The following GFRAL variants were observed in gnomAD, a reference collection of about 807,000 sequenced individuals.
GFRAL encodes GDNF family receptor alpha-like.
Under a neutral mutation model 45.4 loss-of-function variants are expected in GFRAL, and 36 were observed. That is an observed-to-expected ratio of 0.79 (90% CI 0.61 to 1.05). The LOEUF is 1.05. GFRAL is among the 50% of genes least tolerant of loss of function. GFRAL has a pLI of 0.00. For synonymous variants in GFRAL, 166 were observed against 154.1 expected (o/e 1.08, Z -0.57); for missense variants, 507 against 467.5 (o/e 1.08, Z -0.78).
chr6:55,395,241 G>A (rs954266053), intron 6 of GFRAL, among the ~76,000 whole-genome samples: 2 of 149,568 alleles, frequency 1.3e-5, no homozygotes, highest in South Asian at 2.1e-4. Context: ...GTAGCCATAA[G>A]TGAGTTATTC....
chr6:55,396,425 G>A (rs1265400708), intron 6 of GFRAL, among the ~76,000 whole-genome samples: 2 of 152,036 alleles, frequency 1.3e-5, no homozygotes, highest in African/African-American at 2.4e-5. Flanking sequence ...AAGATGAACT[G>A]TAATACCCAA....
At chr6:55,401,309 A>C (rs2127368352) in intron 8 of GFRAL, among the ~76,000 whole-genome samples, 1 of 152,302 alleles carries the variant, frequency 6.6e-6, no homozygotes, top group Admixed American at 6.5e-5. Flanking sequence ...AAAAGAACAA[A>C]CTGAAACAAA....
intron 8 of GFRAL, 99 bp from the exon 9 acceptor site, chr6:55,401,691 C>T: frequency 1.4e-5 from 10 of 737,932 alleles, no homozygotes; most frequent in Non-Finnish European, 1.9e-5. Context: ...TAGTTTTTTC[C>T]TCCAGGTGCA....
At chr6:55,342,524 G>A (rs1408920802) in intron 3 of GFRAL, among the ~76,000 whole-genome samples, 1 of 152,066 alleles carries the variant, frequency 6.6e-6, no homozygotes, top group Non-Finnish European at 1.5e-5. Context: ...CCTGAAGGAA[G>A]CACTAAACAT....
chr6:55,351,743 C>G (rs1027589744), intron 5 of GFRAL, among the ~76,000 whole-genome samples, 160 bp downstream of exon 5: 1 of 152,022 alleles, frequency 6.6e-6, no homozygotes, highest in Admixed American at 6.6e-5. Context: ...ATCTGTGGTA[C>G]ATATGCAGTA....
intron 6 of GFRAL, among the ~76,000 whole-genome samples, chr6:55,367,811 G>T (rs551323547): frequency 9.9e-5 from 15 of 152,078 alleles, no homozygotes. Flanking sequence ...CAAGAGATCC[G>T]CTCTTAGTCT....
chr6:55,368,852 A>G (rs1416936635), intron 6 of GFRAL, among the ~76,000 whole-genome samples: 2 of 152,184 alleles, frequency 1.3e-5, no homozygotes, highest in Non-Finnish European at 2.9e-5. Flanking sequence ...CAAAGCTGTC[A>G]GACAGGGACA....
chr6:55,401,912 C>A lies in GFRAL; in HGVS notation c.*59C>A. On this transcript the variant is annotated 3_prime_UTR_variant, in exon 9 of 9. Coordinates refer to ENST00000340465, the MANE Select transcript of GFRAL (RefSeq NM_207410.2). ...CTTTTCTCTGCTTTTCTTCTTTCCT[C>A]TTTTCTTCTCTCCTCTCCTCTCCTC... 1 of 839,730 alleles carries A rather than the reference C, an allele frequency of 1.2e-6. No homozygotes were observed. The allele number at this position is 839,730 out of a possible 1,614,324, so 52.0% of individuals were successfully genotyped here. A position where few individuals can be genotyped will look rare whatever the true frequency, so the allele number is the denominator to read the frequency against.
chr6:55,334,510 G>A (rs114318361), intron 3 of GFRAL, among the ~76,000 whole-genome samples: 1,987 of 152,252 alleles, frequency 0.013, 23 homozygotes, highest in Non-Finnish European at 0.022. Context: ...AGAGATGTGC[G>A]AGATCAAACA....
chr6:55,382,476 T>A (rs2127363500), intron 6 of GFRAL, among the ~76,000 whole-genome samples: 1 of 152,102 alleles, frequency 6.6e-6, no homozygotes, highest in South Asian at 2.1e-4. Flanking sequence ...GAATTCTAGA[T>A]ATTTCTTTGG....
At chr6:55,343,739 A>G (rs1452011938) in intron 3 of GFRAL, among the ~76,000 whole-genome samples, 2 of 152,152 alleles carry the variant, frequency 1.3e-5, no homozygotes, top group African/African-American at 4.8e-5. Context: ...GAATCCAGTA[A>G]CTGGTTTTTT....
Position 55,368,018 on chromosome 6 carries a change from A to C in GFRAL, c.952+8880A>C, listed in dbSNP as rs1033244778. Among the ~76,000 whole-genome samples, 327 of 147,862 alleles carry C rather than the reference A, an allele frequency of 2.2e-3. 1 individual carries two copies. Among genetic ancestry groups the C allele is most frequent in the Non-Finnish European group, 3.1e-3 (208 of 67,076 alleles). On this transcript the variant is annotated intron_variant, in intron 6 of 8. Coordinates refer to ENST00000340465, the MANE Select transcript of GFRAL (RefSeq NM_207410.2). ...TCCTAGATTGGGGAAGTTCTCCTGG[A>C]TAATATCCTGCAGAGTGTTTTCCAA...
At chr6:55,364,155 T>A (rs1410038621) in intron 6 of GFRAL, among the ~76,000 whole-genome samples, 1 of 151,002 alleles carries the variant, frequency 6.6e-6, no homozygotes. Context: ...TGGTATCTCA[T>A]TGTGGTTTTG....
intron 3 of GFRAL, among the ~76,000 whole-genome samples, chr6:55,335,629 A>G (rs1767881081): frequency 6.6e-6 from 1 of 152,212 alleles, no homozygotes; most frequent in Non-Finnish European, 1.5e-5. Flanking sequence ...AGTACAAGAT[A>G]TAAGTCAGAT....
At position 55,399,266 on chromosome 6, in the gene GFRAL, C is replaced by A; in HGVS notation, c.1039C>A (p.Pro347Thr). 6.3e-7 allele frequency: 1 copy of A among 1,588,988 alleles called. No homozygotes were observed. Residue 347 changes from proline (P) to threonine (T), a missense_variant, in exon 7 of 9, where the codon CCC (proline) becomes ACC (threonine). Transcript: ENST00000340465. ...NKITLTGFHSPFNGEVIYAAM... is the reference protein window; with the variant it reads ...NKITLTGFHSTFNGEVIYAAM... ...AATCACTTTAACTGGATTTCATTCCCCCTTCAATGGTCAGTTAAAAATCAA... is the reference window on the plus strand; with the variant it reads ...AATCACTTTAACTGGATTTCATTCCACCTTCAATGGTCAGTTAAAAATCAA...
At position 55,399,185 on chromosome 6, in the gene GFRAL, C is replaced by T. The variant is rs1208741282; in HGVS notation, c.958C>T (p.Pro320Ser). The T allele has an allele frequency of 6.5e-7, 1 of 1,549,816 alleles. No individual in the cohort carries two copies. The highest frequency in any genetic ancestry group is 8.8e-7 in the Non-Finnish European group (1 of 1,136,244). Residue 320 changes from proline to serine, a missense_variant, in exon 7 of 9, where the codon CCA (proline) becomes TCA (serine). By Grantham distance (74) the Pro-to-Ser change is moderately conservative. Coordinates refer to ENST00000340465, the MANE Select transcript of GFRAL (RefSeq NM_207410.2). ...MLHRKSCFNY[P>S]TLSNVKGMAL... ...TTTTTATGATTTTCTTTCAGATTAT[C>T]CAACCCTGTCTAATGTCAAAGGCAT...
chr6:55,355,699 G>GC (rs1182205097), intron 5 of GFRAL, among the ~76,000 whole-genome samples: 1 of 151,792 alleles, frequency 6.6e-6, no homozygotes, highest in Non-Finnish European at 1.5e-5. Flanking sequence ...TAATTTGGAT[G>GC]CCCCCCTTTT....
At chr6:55,353,930 C>G (rs1768153156) in intron 5 of GFRAL, among the ~76,000 whole-genome samples, 1 of 152,030 alleles carries the variant, frequency 6.6e-6, no homozygotes, top group Admixed American at 6.6e-5. Context: ...GCCTTTCTAA[C>G]TATCATATTC....
At chr6:55,365,968 G>A (rs570592416) in intron 6 of GFRAL, among the ~76,000 whole-genome samples, 1,734 of 147,364 alleles carry the variant, frequency 0.012, 34 homozygotes, top group African/African-American at 0.041. Flanking sequence ...ATGAGTTAGG[G>A]AGGATTCCCT....
Sources: allele counts gnomAD v4.1 joint callset (sites outside exome capture counted in the v4.1 genomes callset), GRCh38; gene constraint gnomAD v4.1.1; transcripts MANE v1.5; gene names NCBI Gene and HGNC (gene_info 2026-07-23, HGNC 2026-07-21).